Variants in UGT3A2 observed in about 807,000 individuals in gnomAD.
UGT3A2 encodes UDP-glycosyltransferase 3A2.
UGT3A2 carries 32 observed loss-of-function variants against 39.8 expected under a neutral mutation model. The observed-to-expected ratio is 0.80, with a 90% CI of 0.61 to 1.08. The LOEUF (loss-of-function observed/expected upper bound fraction) is 1.08, where lower values mean the gene tolerates loss of function less well. Among genes scored for constraint, UGT3A2 ranks in the 50% least tolerant of loss-of-function variants. UGT3A2 has a pLI of 0.00. For missense variants in UGT3A2, 611 were observed against 637.1 expected (o/e 0.96, Z 0.44); for synonymous variants, 241 against 230.7 (o/e 1.04, Z -0.40).
chr5:36,047,463 C>T (rs1742201518), intron 4 of UGT3A2, among the ~76,000 whole-genome samples: 1 of 152,184 alleles, frequency 6.6e-6, no homozygotes, highest in South Asian at 2.1e-4. Flanking sequence ...TTCTGATTCT[C>T]TCTGCCCTAC....
chr5:36,061,034 T>G (rs1319241188), intron 2 of UGT3A2, among the ~76,000 whole-genome samples: 3 of 152,064 alleles, frequency 2.0e-5, no homozygotes, highest in Non-Finnish European at 2.9e-5. Context: ...GCCCCACGCC[T>G]AATAGCACGC....
chr5:36,037,690 T>C (rs556917401), intron 6 of UGT3A2, 107 bp downstream of exon 6: 2 of 1,209,554 alleles, frequency 1.7e-6, no homozygotes, highest in Non-Finnish European at 2.4e-6. Context: ...AATACAGTTT[T>C]AATCTAAAGC....
At chr5:36,061,071 C>T (rs1244516944) in intron 2 of UGT3A2, among the ~76,000 whole-genome samples, 1 of 152,110 alleles carries the variant, frequency 6.6e-6, no homozygotes, top group Non-Finnish European at 1.5e-5. Context: ...ATTTGGTAGG[C>T]TAAGGTACCA....
intron 4 of UGT3A2, among the ~76,000 whole-genome samples, chr5:36,048,666 A>T (rs1742240865): frequency 1.3e-5 from 2 of 152,240 alleles, no homozygotes; most frequent in South Asian, 4.1e-4. Flanking sequence ...GAGAGGAGCC[A>T]GAAGAATCCA....
Position 36,048,886 on chromosome 5 carries a change from T to A in UGT3A2, c.843+3A>T. On this transcript the variant is annotated splice_donor_region_variant and intron_variant, in intron 4 of 6. Transcript: ENST00000282507. Reference sequence around the variant, plus strand: ...CCAAACTGAATGCTGAGGGTTCACTTACTTGTGGTACTGGTTTAATAGGTT... The same window carrying A: ...CCAAACTGAATGCTGAGGGTTCACTAACTTGTGGTACTGGTTTAATAGGTT... The A allele has an allele frequency of 6.2e-7, 1 of 1,612,256 alleles. No individual in the cohort carries two copies. Among genetic ancestry groups the A allele is most frequent in the East Asian group, 2.2e-5 (1 of 44,862 alleles).
At chr5:36,063,745 C>G (rs1742789852) in intron 2 of UGT3A2, among the ~76,000 whole-genome samples, 1 of 152,150 alleles carries the variant, frequency 6.6e-6, no homozygotes, top group Non-Finnish European at 1.5e-5. Flanking sequence ...AAGCGATCCT[C>G]CACCCTCAGC....
chr5:36,057,331 G>A lies in UGT3A2; in HGVS notation c.197-5347C>T, dbSNP rs370575512. Among the ~76,000 whole-genome samples the A allele has an allele frequency of 1.2e-4, 19 of 152,164 alleles. No homozygotes were observed. The East Asian group carries it at 3.5e-3, about 28-fold the overall frequency. ...AGACCTTCAGCCAAGCTCTACGGAT[G>A]AAATGAAAAATGGGAATTCTATTTC... is the stretch of plus-strand genomic sequence containing the variant. On this transcript the variant is annotated intron_variant, in intron 2 of 6. Coordinates refer to ENST00000282507, the MANE Select transcript of UGT3A2 (RefSeq NM_174914.4).
chr5:36,054,966 A>G (rs758456377), intron 2 of UGT3A2, among the ~76,000 whole-genome samples: 17 of 152,044 alleles, frequency 1.1e-4, no homozygotes, highest in Non-Finnish European at 1.8e-4. Context: ...CCTCCCTGTC[A>G]TATTCTCCTC....
intron 3 of UGT3A2, among the ~76,000 whole-genome samples, chr5:36,050,551 T>C (rs1742309751): frequency 6.6e-6 from 1 of 152,220 alleles, no homozygotes; most frequent in African/African-American, 2.4e-5. Flanking sequence ...AAAGGAAAAG[T>C]TGCCAAACGT....
At chr5:36,041,563 T>C (rs62354168) in intron 4 of UGT3A2, among the ~76,000 whole-genome samples, 28,904 of 152,034 alleles carry the variant, frequency 0.19, 3,437 homozygotes, top group Non-Finnish European at 0.25. Flanking sequence ...TGTTGGTATA[T>C]GGGAAAGTAA....
chr5:36,036,002 T>A, intron 6 of UGT3A2, 28 bp from the exon 7 acceptor site: 1 of 1,605,638 alleles, frequency 6.2e-7, no homozygotes, highest in Non-Finnish European at 8.5e-7. Context: ...GAGGGGGCAT[T>A]ACTAATGTGA....
chr5:36,065,179 G>A (rs1302117844), intron 1 of UGT3A2, among the ~76,000 whole-genome samples: 1 of 152,110 alleles, frequency 6.6e-6, no homozygotes, highest in Non-Finnish European at 1.5e-5. Context: ...CTCAGCAGCA[G>A]AGAAAGGAAG....
chr5:36,047,853 G>T (rs1438664555), intron 4 of UGT3A2, among the ~76,000 whole-genome samples: 1 of 152,098 alleles, frequency 6.6e-6, no homozygotes, highest in Non-Finnish European at 1.5e-5. Context: ...TGCCACCCAG[G>T]GAAGCCAGCC....
intron 2 of UGT3A2, among the ~76,000 whole-genome samples, chr5:36,052,612 A>C (rs529838024): frequency 6.6e-6 from 1 of 152,130 alleles, no homozygotes; most frequent in Admixed American, 6.5e-5. Context: ...CATGCAAGTC[A>C]GGACAATGAA....
intron 2 of UGT3A2, among the ~76,000 whole-genome samples, chr5:36,058,886 T>C (rs1742597244): frequency 6.6e-6 from 1 of 152,092 alleles, no homozygotes; most frequent in African/African-American, 2.4e-5. Context: ...CCACAAGTGG[T>C]GCCTGAACAG....
chr5:36,049,997 T>C (rs1286609603), intron 3 of UGT3A2, among the ~76,000 whole-genome samples: 1 of 152,212 alleles, frequency 6.6e-6, no homozygotes. Context: ...CCCTAGGAGT[T>C]AAGCAATGGA....
intron 2 of UGT3A2, among the ~76,000 whole-genome samples, chr5:36,054,312 T>G (rs1165877828): frequency 6.6e-6 from 1 of 152,182 alleles, no homozygotes; most frequent in Non-Finnish European, 1.5e-5. Context: ...AATTCAGACA[T>G]GTATATCTTT....
chr5:36,035,614 A>G lies in UGT3A2; in HGVS notation c.*84T>C. 1.3e-6 allele frequency: 2 copies of G among 1,536,292 alleles called. No homozygotes were observed. Among genetic ancestry groups the G allele is most frequent in the South Asian group, 2.5e-5 (2 of 78,832 alleles). ...AGGAGATAACTAGAAGGACTAGAGA[A>G]TGGGGCTGCCAGAACTAGTGGGAAG... On this transcript the variant is annotated 3_prime_UTR_variant, in exon 7 of 7. Transcript: ENST00000282507.
At chr5:36,036,023 G>C in intron 6 of UGT3A2, 49 bp from the exon 7 acceptor site, 1 of 1,592,504 alleles carries the variant, frequency 6.3e-7, no homozygotes, top group South Asian at 1.1e-5. Context: ...CCTCACAAGA[G>C]TTAGAATGTA....
Sources: allele counts gnomAD v4.1 joint callset (sites outside exome capture counted in the v4.1 genomes callset), GRCh38; gene constraint gnomAD v4.1.1; transcripts MANE v1.5; gene names NCBI Gene and HGNC (gene_info 2026-07-23, HGNC 2026-07-21).